The following CCDC148 variants were observed in gnomAD, a reference collection of about 807,000 sequenced individuals.
The protein encoded by CCDC148 is coiled-coil domain containing 148.
Under a neutral mutation model 85.7 loss-of-function variants are expected in CCDC148, and 89 were observed. The ratio of observed to expected loss-of-function variants is 1.04; its 90% CI spans 0.87 to 1.24. The LOEUF is 1.24. CCDC148 is among the 50% of genes most tolerant of loss of function. The pLI, the probability that CCDC148 is intolerant of heterozygous loss-of-function variation, is 0.00. For missense variants in CCDC148, 692 were observed against 671.7 expected (o/e 1.03, Z -0.33); for synonymous variants, 230 against 213.9 (o/e 1.08, Z -0.66).
At chr2:158,354,372 A>G (rs1171852814) in intron 2 of CCDC148, among the ~76,000 whole-genome samples, 1 of 152,116 alleles carries the variant, frequency 6.6e-6, no homozygotes, top group Non-Finnish European at 1.5e-5. Flanking sequence ...TCTAATAGAC[A>G]CAATAAAAAA....
intron 10 of CCDC148, among the ~76,000 whole-genome samples, chr2:158,222,607 A>C (rs1472217143): frequency 6.6e-6 from 1 of 151,980 alleles, no homozygotes; most frequent in Non-Finnish European, 1.5e-5. Context: ...AATTCTTTTG[A>C]GTGAAGGATA....
intron 9 of CCDC148, among the ~76,000 whole-genome samples, chr2:158,292,001 A>T (rs1439453221): frequency 6.6e-6 from 1 of 152,180 alleles, no homozygotes; most frequent in Non-Finnish European, 1.5e-5. Context: ...ATCACATTTA[A>T]CATGTCTTTT....
At chr2:158,309,098 T>A (rs1691843436) in intron 9 of CCDC148, among the ~76,000 whole-genome samples, 1 of 152,238 alleles carries the variant, frequency 6.6e-6, no homozygotes, top group Non-Finnish European at 1.5e-5. Flanking sequence ...AGTCTTTAGA[T>A]CAGCATTAGA....
At chr2:158,362,929 T>C (rs1254648638) in intron 1 of CCDC148, among the ~76,000 whole-genome samples, 1 of 151,776 alleles carries the variant, frequency 6.6e-6, no homozygotes, top group East Asian at 1.9e-4. Flanking sequence ...GCCAGACTAA[T>C]AAAGAAGAAA....
intron 1 of CCDC148, among the ~76,000 whole-genome samples, chr2:158,438,413 G>A (rs181373180): frequency 7.9e-5 from 12 of 152,262 alleles, no homozygotes; most frequent in Admixed American, 7.2e-4. Flanking sequence ...GCAAAAACTG[G>A]CTAGCCATAT....
rs1348912630 is a variant in CCDC148 at position 158,309,347 on chromosome 2, T to G, written c.1110+86A>C. ...TAGGCTTTTGTTTTTTAAGAGAAAC[T>G]GAACTTTAGGTTGAGTTTGAACAAA... On this transcript the variant is annotated intron_variant, in intron 9 of 13. Transcript: ENST00000283233. 13 of 1,162,404 alleles carry G rather than the reference T, an allele frequency of 1.1e-5. No individual in the cohort carries two copies. The East Asian group carries it at 3.1e-4, about 28-fold the overall frequency. 72.0% of individuals were successfully genotyped at this position (1,162,404 alleles called of 1,614,324 possible). A position where few individuals can be genotyped will look rare whatever the true frequency, so the allele number is the denominator to read the frequency against.
chr2:158,335,176 C>A (rs1034159962), intron 7 of CCDC148, among the ~76,000 whole-genome samples: 3 of 152,164 alleles, frequency 2.0e-5, no homozygotes, highest in Admixed American at 2.0e-4. Flanking sequence ...TGTCTTCCTT[C>A]GGTCACCAGA....
At chr2:158,334,949 G>A (rs930272421) in intron 7 of CCDC148, among the ~76,000 whole-genome samples, 5 of 152,042 alleles carry the variant, frequency 3.3e-5, no homozygotes, top group African/African-American at 7.2e-5. Flanking sequence ...TTAATTCCAT[G>A]AGTCATGGAT....
In CCDC148 at chr2:158,178,953, T is replaced by C; in HGVS notation, c.1414A>G (p.Lys472Glu). 6.2e-7 allele frequency: 1 copy of C among 1,613,620 alleles called. No individual in the cohort carries two copies. The highest frequency in any genetic ancestry group is 8.5e-7 in the Non-Finnish European group (1 of 1,179,774). The change falls in exon 12 of 14, where the codon AAA becomes GAA. Residue 472 changes from lysine (K) to glutamate (E), a missense_variant. Lys to Glu is a moderately conservative substitution (Grantham distance 56, BLOSUM62 1). Coordinates refer to ENST00000283233, the MANE Select transcript of CCDC148 (RefSeq NM_138803.4). Reference sequence around the variant, plus strand: ...GCTTCTTGAAGGGCCACTTCCTTTTTCTCCATCAAACGCCTTTCCAATAAT... The same window carrying C: ...GCTTCTTGAAGGGCCACTTCCTTTTCCTCCATCAAACGCCTTTCCAATAAT... ...QELLERRLMEKKEVALQEAHE... is the reference protein window; with the variant it reads ...QELLERRLMEEKEVALQEAHE...
At chr2:158,430,137 G>A (rs1391913786) in intron 1 of CCDC148, among the ~76,000 whole-genome samples, 2 of 152,162 alleles carry the variant, frequency 1.3e-5, no homozygotes, top group African/African-American at 4.8e-5. Context: ...GCAGTTATTC[G>A]AGTTCACACA....
intron 1 of CCDC148, among the ~76,000 whole-genome samples, chr2:158,410,847 T>C (rs1428128960): frequency 3.9e-5 from 6 of 152,178 alleles, no homozygotes; most frequent in African/African-American, 1.2e-4. Flanking sequence ...ATATTTTTGT[T>C]TGAAATTGAA....
chr2:158,292,904 A>G (rs542198861), intron 9 of CCDC148, among the ~76,000 whole-genome samples: 1 of 152,336 alleles, frequency 6.6e-6, no homozygotes, highest in Admixed American at 6.5e-5. Context: ...TTCCTCCTAT[A>G]GCACTTTTTT....
At chr2:158,424,185 A>C (rs1686954471) in intron 1 of CCDC148, among the ~76,000 whole-genome samples, 2 of 152,352 alleles carry the variant, frequency 1.3e-5, no homozygotes, top group Non-Finnish European at 2.9e-5. Context: ...TAGAACTAGA[A>C]ATATCATTTG....
intron 9 of CCDC148, among the ~76,000 whole-genome samples, chr2:158,284,555 A>C (rs1316641712): frequency 1.3e-5 from 2 of 152,174 alleles, no homozygotes; most frequent in Non-Finnish European, 2.9e-5. Flanking sequence ...TGGAAAGATC[A>C]TGAAGGAATC....
At chr2:158,453,344 C>T (rs538813011) in intron 1 of CCDC148, among the ~76,000 whole-genome samples, 1 of 152,238 alleles carries the variant, frequency 6.6e-6, no homozygotes, top group Non-Finnish European at 1.5e-5. Context: ...TTAGGCAGAG[C>T]CATGGGAGGA....
At chr2:158,250,692 T>G in intron 10 of CCDC148, 80 bp downstream of exon 10, 4 of 1,441,136 alleles carry the variant, frequency 2.8e-6, no homozygotes, top group Non-Finnish European at 3.6e-6. Context: ...GAGAATTTCA[T>G]GCCAAACACC....
chr2:158,433,932 T>C (rs1413253237), intron 1 of CCDC148, among the ~76,000 whole-genome samples: 1 of 152,092 alleles, frequency 6.6e-6, no homozygotes, highest in Non-Finnish European at 1.5e-5. Context: ...GGGAGGGGCG[T>C]CCGCCATTGC....
intron 2 of CCDC148, among the ~76,000 whole-genome samples, chr2:158,353,665 C>G (rs1417256293): frequency 1.3e-5 from 2 of 152,110 alleles, no homozygotes. Context: ...TTAGACAGAT[C>G]AAGGAGACAG....
chr2:158,393,771 GTCATATTAA>G (rs1255615871), intron 1 of CCDC148, among the ~76,000 whole-genome samples: 1 of 152,110 alleles, frequency 6.6e-6, no homozygotes, highest in Non-Finnish European at 1.5e-5. Context: ...TGAGGAACAT[GTCATATTAA>G]AAGACATTGC....
Sources: allele counts gnomAD v4.1 joint callset (sites outside exome capture counted in the v4.1 genomes callset), GRCh38; gene constraint gnomAD v4.1.1; transcripts MANE v1.5; gene names NCBI Gene and HGNC (gene_info 2026-07-23, HGNC 2026-07-21).